Variants in GADL1 observed in about 807,000 individuals in gnomAD.
The protein encoded by GADL1 is GAD like acidic amino acid decarboxylase 1, also known as acidic amino acid decarboxylase GADL1.
In GADL1, 71 loss-of-function variants were observed where a neutral mutation model predicts 69.5. The ratio of observed to expected loss-of-function variants is 1.02; its 90% CI spans 0.84 to 1.25. The LOEUF (loss-of-function observed/expected upper bound fraction) is 1.25, where lower values mean the gene tolerates loss of function less well. Among genes scored for constraint, GADL1 ranks in the 50% most tolerant of loss-of-function variants. GADL1 has a pLI of 0.00. For synonymous variants in GADL1, 254 were observed against 214.4 expected (o/e 1.18, Z -1.62); for missense variants, 737 against 631.8 (o/e 1.17, Z -1.79).
At chr3:30,851,425 C>T (rs1041574357) in intron 4 of GADL1, among the ~76,000 whole-genome samples, 5 of 152,176 alleles carry the variant, frequency 3.3e-5, no homozygotes, top group African/African-American at 9.6e-5. Context: ...TCCTCTACTA[C>T]ACTCTCTGTG....
At chr3:30,856,450 C>A (rs1223209124) in intron 3 of GADL1, among the ~76,000 whole-genome samples, 6 of 152,024 alleles carry the variant, frequency 3.9e-5, no homozygotes, top group Non-Finnish European at 7.4e-5. Flanking sequence ...ATAATCTCAT[C>A]AAAAACTTGG....
Position 30,786,342 on chromosome 3 carries a change from T to C in GADL1, c.1302+13A>G. 1 of 1,518,644 alleles carries C rather than the reference T, an allele frequency of 6.6e-7. No homozygotes were observed. The allele number at this position is 1,518,644 out of a possible 1,614,324, so 94.1% of individuals were successfully genotyped here. A position where few individuals can be genotyped will look rare whatever the true frequency, so the allele number is the denominator to read the frequency against. On this transcript the variant is annotated intron_variant, in intron 13 of 14. Coordinates refer to ENST00000282538, the MANE Select transcript of GADL1 (RefSeq NM_207359.3). Reference sequence around the variant, plus strand: ...ACTGACAAAATCACAAGCACAATTATGCAATCACTTACTTCCATCAGTAAC... The same window carrying C: ...ACTGACAAAATCACAAGCACAATTACGCAATCACTTACTTCCATCAGTAAC...
rs6779577 is a variant in GADL1, at chr3:30,812,393, G to A, written c.1051-11305C>T. Among the ~76,000 whole-genome samples the A allele has an allele frequency of 1.9e-3, 286 of 152,330 alleles. 3 individuals carry two copies. The highest frequency in any genetic ancestry group is 6.4e-3 in the African/African-American group (267 of 41,558). Reference sequence around the variant, plus strand: ...TTTAATGGACTCACAGTTCCACGTGGCTGGGAAGCCCTCATAATCATGGTG... The same window carrying A: ...TTTAATGGACTCACAGTTCCACGTGACTGGGAAGCCCTCATAATCATGGTG... On this transcript the variant is annotated intron_variant, in intron 11 of 14. Coordinates refer to ENST00000282538, the MANE Select transcript of GADL1 (RefSeq NM_207359.3).
intron 13 of GADL1, among the ~76,000 whole-genome samples, chr3:30,785,848 TTAGAAAAAAA>T (rs1696778034): frequency 6.6e-6 from 1 of 152,218 alleles, no homozygotes; most frequent in African/African-American, 2.4e-5. Flanking sequence ...TAAACATGTT[TTAGAAAAAAA>T]TATTCTCTAC....
intron 11 of GADL1, among the ~76,000 whole-genome samples, chr3:30,823,266 A>G (rs1271590762): frequency 1.3e-5 from 2 of 151,976 alleles, no homozygotes; most frequent in Non-Finnish European, 2.9e-5. Flanking sequence ...GAAGGGAGGG[A>G]ACAAAGATTG....
At chr3:30,729,769 G>A (rs1243391576) in intron 14 of GADL1, among the ~76,000 whole-genome samples, 2 of 152,144 alleles carry the variant, frequency 1.3e-5, no homozygotes, top group Non-Finnish European at 2.9e-5. Context: ...GATGTTCAAG[G>A]TTAATTTTAA....
At chr3:30,816,327 G>A (rs547214321) in intron 11 of GADL1, among the ~76,000 whole-genome samples, 2 of 151,996 alleles carry the variant, frequency 1.3e-5, no homozygotes, top group East Asian at 3.9e-4. Context: ...AGAGTTTCTG[G>A]TTTTCCACAC....
intron 11 of GADL1, among the ~76,000 whole-genome samples, chr3:30,812,640 C>T (rs1057266850): frequency 4.6e-5 from 7 of 152,100 alleles, no homozygotes; most frequent in Non-Finnish European, 1.0e-4. Flanking sequence ...GGGATAGAGG[C>T]AAACTGTATC....
intron 1 of GADL1, among the ~76,000 whole-genome samples, chr3:30,872,364 CAT>C (rs1474877896): frequency 6.6e-6 from 1 of 151,918 alleles, no homozygotes. Flanking sequence ...CCCCCATAGT[CAT>C]AGTTTCTGTT....
intron 1 of GADL1, among the ~76,000 whole-genome samples, chr3:30,870,243 G>A (rs1698461583): frequency 6.6e-6 from 1 of 151,784 alleles, no homozygotes; most frequent in Admixed American, 6.6e-5. Context: ...AGGACAAGGA[G>A]CTATTGTAGA....
chr3:30,837,738 A>C (rs1170281969), intron 9 of GADL1, among the ~76,000 whole-genome samples: 1 of 152,062 alleles, frequency 6.6e-6, no homozygotes, highest in East Asian at 1.9e-4. Context: ...CCTTATTTCC[A>C]CAGTTACAAA....
intron 14 of GADL1, among the ~76,000 whole-genome samples, chr3:30,762,272 G>A (rs895072019): frequency 2.7e-4 from 41 of 152,152 alleles, no homozygotes; most frequent in Non-Finnish European, 5.4e-4. Context: ...AGTAATCTAG[G>A]TGAGAAAAGA....
intron 14 of GADL1, among the ~76,000 whole-genome samples, chr3:30,739,496 T>C (rs918774039): frequency 2.6e-5 from 4 of 152,332 alleles, no homozygotes; most frequent in South Asian, 2.1e-4. Context: ...TTTTGTTTGT[T>C]TGAATACAGT....
chr3:30,891,823 A>G (rs1451787073), intron 1 of GADL1, among the ~76,000 whole-genome samples: 1 of 152,106 alleles, frequency 6.6e-6, no homozygotes, highest in Non-Finnish European at 1.5e-5. Context: ...CAAAAAATGA[A>G]AAAGTCACAG....
At chr3:30,754,851 A>G (rs1183272991) in intron 14 of GADL1, among the ~76,000 whole-genome samples, 1 of 127,382 alleles carries the variant, frequency 7.9e-6, no homozygotes, top group African/African-American at 3.2e-5. Context: ...CAAAAACTGC[A>G]GGGCACTGAT....
intron 11 of GADL1, among the ~76,000 whole-genome samples, chr3:30,815,188 G>T (rs987233257): frequency 1.3e-5 from 2 of 151,892 alleles, no homozygotes; most frequent in African/African-American, 4.8e-5. Context: ...TTGTTCCCCC[G>T]ATGCCCCAAG....
At chr3:30,755,894 T>TTAA (rs1433782939) in intron 14 of GADL1, among the ~76,000 whole-genome samples, 1 of 152,178 alleles carries the variant, frequency 6.6e-6, no homozygotes, top group Non-Finnish European at 1.5e-5. Flanking sequence ...CAGCTTTAAA[T>TTAA]GGCTGGTTCC....
intron 4 of GADL1, among the ~76,000 whole-genome samples, chr3:30,852,473 T>C (rs1698162803): frequency 1.3e-5 from 2 of 152,152 alleles, no homozygotes; most frequent in African/African-American, 4.8e-5. Context: ...ATCATGCCAC[T>C]GCACTCCAGT....
chr3:30,864,707 T>C (rs560358307), intron 1 of GADL1, among the ~76,000 whole-genome samples: 1 of 152,098 alleles, frequency 6.6e-6, no homozygotes, highest in African/African-American at 2.4e-5. Flanking sequence ...ATATTCAGAA[T>C]TTTCATTCTA....
Sources: gnomAD v4.1 joint callset for allele counts (sites outside exome capture counted in the v4.1 genomes callset) on GRCh38, gnomAD v4.1.1 for gene constraint, MANE v1.5 for transcripts, NCBI Gene and HGNC (gene_info 2026-07-23, HGNC 2026-07-21) for gene names.